Variants in TMPRSS9 observed in about 807,000 individuals in gnomAD.
TMPRSS9 encodes the protein transmembrane serine protease 9.
A neutral mutation model predicts 111.4 loss-of-function variants in TMPRSS9; 113 were observed. That is an observed-to-expected ratio of 1.01 (90% CI 0.87 to 1.19). The LOEUF is 1.19. Ranked by LOEUF, TMPRSS9 falls within the 50% of genes most tolerant of loss-of-function variation. The pLI, the probability that TMPRSS9 is intolerant of heterozygous loss-of-function variation, is 0.00. For synonymous variants in TMPRSS9, 805 were observed against 659.1 expected, an observed-to-expected ratio of 1.22 and a Z score of -3.39; for missense variants, 1,803 against 1,513.1, an observed-to-expected ratio of 1.19 and a Z score of -3.18.
At position 2,369,020 on chromosome 19, in the gene TMPRSS9, C is replaced by T. The variant is rs541304263; in HGVS notation, c.-26+8660C>T. On this transcript the variant is annotated intron_variant, in intron 1 of 17. Coordinates refer to the TMPRSS9 transcript ENST00000649857. ...AGGCTGTAGTGCAAAGGTGTGATCT[C>T]GGCTCACTGTAACCTCCACCTCCCG... Among the ~76,000 whole-genome samples the T allele has an allele frequency of 6.8e-5, 10 of 147,904 alleles. No individual in the cohort carries two copies. In the East Asian group the frequency reaches 1.6e-3, roughly 24 times the overall value.
At chr19:2,391,362 G>GTTTTTTTTTTTTTTTTTTTTTTTT (rs372470176) in intron 1 of TMPRSS9, among the ~76,000 whole-genome samples, 1 of 142,744 alleles carries the variant, frequency 7.0e-6, no homozygotes, top group African/African-American at 2.6e-5. Context: ...ATCCTCCTAG[G>GTTTTTTTTTTTTTTTTTTTTTTTT]TTTTTTTTTT....
rs920981541 is a variant in TMPRSS9 at position 2,399,262 on chromosome 19, A to G, written c.514+69A>G. ...GAGTGGGGCAGGAGCTGCAAGATACATTTTGATAACCACCCCTTCCCATAA... is the reference window on the plus strand; with the variant it reads ...GAGTGGGGCAGGAGCTGCAAGATACGTTTTGATAACCACCCCTTCCCATAA... On this transcript the variant is annotated intron_variant, in intron 4 of 17. Transcript: ENST00000648592. 25 of 1,497,124 alleles carry G rather than the reference A, an allele frequency of 1.7e-5. No homozygotes were observed. In the African/African-American group the frequency reaches 3.0e-4, roughly 18 times the overall value. The allele number at this position is 1,497,124 out of a possible 1,614,324, so 92.7% of individuals were successfully genotyped here. A position where few individuals can be genotyped will look rare whatever the true frequency, so the allele number is the denominator to read the frequency against.
intron 17 of TMPRSS9, 38 bp from the exon 19 acceptor site, chr19:2,425,889 T>A: frequency 6.4e-7 from 1 of 1,551,698 alleles, no homozygotes; most frequent in Non-Finnish European, 8.6e-7. Flanking sequence ...GTAGGGGAGG[T>A]ACCGGCCTCT....
chr19:2,361,392 C>A (rs992164513), intron 1 of TMPRSS9, among the ~76,000 whole-genome samples: 1 of 14,596 alleles, frequency 6.9e-5, no homozygotes, highest in Non-Finnish European at 1.4e-4. Flanking sequence ...GGGTGGGAGG[C>A]GGGGCTGGAG....
intron 1 of TMPRSS9, among the ~76,000 whole-genome samples, chr19:2,392,023 T>G (rs1027660753): frequency 6.6e-6 from 1 of 151,454 alleles, no homozygotes; most frequent in African/African-American, 2.4e-5. Context: ...ATTACAGACA[T>G]GAGCCACCAC....
At chr19:2,392,242 C>G (rs1970613594) in intron 1 of TMPRSS9, among the ~76,000 whole-genome samples, 1 of 151,836 alleles carries the variant, frequency 6.6e-6, no homozygotes, top group Admixed American at 6.6e-5. Flanking sequence ...ATAATGTTTT[C>G]AGTGAAAATG....
chr19:2,381,367 T>C (rs1263908640), intron 1 of TMPRSS9, among the ~76,000 whole-genome samples: 1 of 151,566 alleles, frequency 6.6e-6, no homozygotes, highest in African/African-American at 2.4e-5. Context: ...TGTGTGCGTG[T>C]GTGTGTGTGT....
At chr19:2,368,165 G>A (rs559139654) in intron 1 of TMPRSS9, among the ~76,000 whole-genome samples, 34 of 152,278 alleles carry the variant, frequency 2.2e-4, no homozygotes, top group Non-Finnish European at 3.8e-4. Flanking sequence ...ATTAGGCTAC[G>A]GAACGGAGAG....
At chr19:2,383,388 G>T (rs1348997178) in intron 1 of TMPRSS9, among the ~76,000 whole-genome samples, 1 of 151,310 alleles carries the variant, frequency 6.6e-6, no homozygotes, top group Non-Finnish European at 1.5e-5. Flanking sequence ...GGCTGGGTGG[G>T]TGCAGTGGTT....
At chr19:2,389,113 C>G (rs2396234), upstream of TMPRSS9, among the ~76,000 whole-genome samples, 1 of 145,354 alleles carries the variant, frequency 6.9e-6, no homozygotes, top group Non-Finnish European at 1.5e-5. Flanking sequence ...CTTGCTCTGT[C>G]GCCAGGCTGG....
chr19:2,402,309 C>T (rs1020568003), intron 5 of TMPRSS9, among the ~76,000 whole-genome samples: 2 of 151,904 alleles, frequency 1.3e-5, no homozygotes, highest in Non-Finnish European at 1.5e-5. Context: ...GGCATAGTGG[C>T]GTATTGCCTG....
At chr19:2,416,368 A>C (rs1971230550) in intron 11 of TMPRSS9, 170 bp from the exon 13 acceptor site, 1 of 845,046 alleles carries the variant, frequency 1.2e-6, no homozygotes, top group Non-Finnish European at 1.8e-6. Flanking sequence ...GGAGGAGCCC[A>C]GCAGCCCCTC....
At position 2,401,964 on chromosome 19, in the gene TMPRSS9, T is replaced by C. The variant is rs1970858570; in HGVS notation, c.515-11T>C. ...ATTCAGTGAGCTTCTATCTTCTCTG[T>C]TTTGTTGCAGGGAGACATAAGGGAC... On this transcript the variant is annotated splice_polypyrimidine_tract_variant and intron_variant, in intron 4 of 17. Coordinates refer to ENST00000648592, the Ensembl canonical transcript of TMPRSS9. 1.2e-5 allele frequency: 19 copies of C among 1,609,634 alleles called. No individual in the cohort carries two copies. Among genetic ancestry groups the C allele is most frequent in the Non-Finnish European group, 1.4e-5 (17 of 1,177,232 alleles).
rs774076012 is a variant in TMPRSS9, at chr19:2,425,325, C to CCACCCGCCCCGTCTCGCT, written c.2984-30_2984-13dup. On this transcript the variant is annotated intron_variant, in intron 16 of 17. Coordinates refer to ENST00000648592, the Ensembl canonical transcript of TMPRSS9. ...CTCGGGGGGCGGCCGGACGCGGTCC[C>CCACCCGCCCCGTCTCGCT]CACCCGCCCCGTCTCGCTCGCCCGC... 3.7e-6 allele frequency: 5 copies of CCACCCGCCCCGTCTCGCT among 1,358,894 alleles called. No homozygotes were observed. In the Admixed American group the frequency reaches 1.7e-4, roughly 47 times the overall value. 84.2% of individuals were successfully genotyped at this position (1,358,894 alleles called of 1,614,324 possible).
At chr19:2,369,059 C>T (rs1379786199) in intron 1 of TMPRSS9, among the ~76,000 whole-genome samples, 3 of 150,902 alleles carry the variant, frequency 2.0e-5, no homozygotes, top group African/African-American at 7.3e-5. Flanking sequence ...TCAAGTGATT[C>T]TCCTGCCTCA....
intron 1 of TMPRSS9, among the ~76,000 whole-genome samples, chr19:2,374,679 A>G (rs1180137838): frequency 2.0e-5 from 3 of 152,174 alleles, no homozygotes; most frequent in South Asian, 4.1e-4. Flanking sequence ...GGGAGCCCCT[A>G]ACCAGGCTTG....
At chr19:2,362,512 G>T (rs1970208970) in intron 1 of TMPRSS9, among the ~76,000 whole-genome samples, 1 of 151,996 alleles carries the variant, frequency 6.6e-6, no homozygotes, top group African/African-American at 2.4e-5. Context: ...TTGTGTGTGT[G>T]ATTGCATGAT....
Position 2,398,832 on chromosome 19 carries a change from GC to G in TMPRSS9, c.309del (p.Cys104AlafsTer7). ...TTTCAGAAGACAGAGTTAGAGGCAA[GC>G]TGCGTGGGTTGCTCGGTACTGAATT... is the stretch of plus-strand genomic sequence containing the variant. On this transcript the variant is annotated frameshift_variant, in exon 3 of 18. Transcript: ENST00000648592. LOFTEE classifies it high-confidence loss of function. The G allele has an allele frequency of 3.3e-6, 5 of 1,502,024 alleles. No homozygotes were observed. Among genetic ancestry groups the G allele is most frequent in the Non-Finnish European group, 4.4e-6 (5 of 1,125,614 alleles). 93.0% of individuals were successfully genotyped at this position (1,502,024 alleles called of 1,614,324 possible). A position where few individuals can be genotyped will look rare whatever the true frequency, so the allele number is the denominator to read the frequency against.
chr19:2,411,299 CAAAA>C (rs771305642), intron 9 of TMPRSS9, among the ~76,000 whole-genome samples: 289 of 32,086 alleles, frequency 9.0e-3, no homozygotes, highest in Non-Finnish European at 0.012. Context: ...GACTCTGTCT[CAAAA>C]AAAAAAAAAA....
Sources: gnomAD v4.1 joint callset for allele counts (sites outside exome capture counted in the v4.1 genomes callset) on GRCh38, gnomAD v4.1.1 for gene constraint, MANE v1.5 for transcripts, NCBI Gene and HGNC (gene_info 2026-07-23, HGNC 2026-07-21) for gene names.